CHST9: variants seen among roughly 807,000 people sequenced by gnomAD.
CHST9 encodes carbohydrate sulfotransferase 9.
In CHST9, 41 loss-of-function variants were observed where a neutral mutation model predicts 44.4. That is an observed-to-expected ratio of 0.92 (90% CI 0.72 to 1.20). The LOEUF (loss-of-function observed/expected upper bound fraction) is 1.20, where lower values mean the gene tolerates loss of function less well. Ranked by LOEUF, CHST9 falls within the 50% of genes most tolerant of loss-of-function variation. The pLI is 0.00. For missense variants in CHST9, 504 were observed against 516.5 expected, an observed-to-expected ratio of 0.98 and a Z score of 0.23; for synonymous variants, 171 against 178.4, an observed-to-expected ratio of 0.96 and a Z score of 0.33.
chr18:27,112,964 T>TG (rs749054773), intron 2 of CHST9, among the ~76,000 whole-genome samples: 4 of 151,558 alleles, frequency 2.6e-5, no homozygotes, highest in Non-Finnish European at 4.4e-5. Context: ...CCGAGGCCGG[T>TG]GGATCATGAG....
intron 5 of CHST9, among the ~76,000 whole-genome samples, chr18:26,921,671 CCATCATCATCAT>C (rs141291241): frequency 6.6e-6 from 1 of 151,464 alleles, no homozygotes; most frequent in Non-Finnish European, 1.5e-5. Flanking sequence ...CAACAAAGTC[CCATCATCATCAT>C]CATCATCATC....
intron 1 of CHST9, among the ~76,000 whole-genome samples, chr18:27,174,803 A>G (rs1239779215): frequency 1.3e-5 from 2 of 152,002 alleles, no homozygotes; most frequent in African/African-American, 2.4e-5. Flanking sequence ...CATTACATAC[A>G]TTATTACTCT....
rs1347727613 is a variant in CHST9, at chr18:27,158,439, A to C, written c.-96-15534T>G. On this transcript the variant is annotated intron_variant, in intron 1 of 5. Coordinates refer to ENST00000618847, the MANE Select transcript of CHST9 (RefSeq NM_031422.6). Reference sequence around the variant, plus strand: ...TCCCTACAAAGGACATGAACTCATCATTTTTTATGGCTGCATAGTATTCCA... The same window carrying C: ...TCCCTACAAAGGACATGAACTCATCCTTTTTTATGGCTGCATAGTATTCCA... Among the ~76,000 whole-genome samples, 467 of 151,224 alleles carry C rather than the reference A, an allele frequency of 3.1e-3. 1 individual carries two copies. Among genetic ancestry groups the C allele is most frequent in the African/African-American group, 0.011 (440 of 41,156 alleles).
At chr18:27,117,645 T>G (rs1046764321) in intron 2 of CHST9, among the ~76,000 whole-genome samples, 27 of 152,176 alleles carry the variant, frequency 1.8e-4, no homozygotes, top group African/African-American at 6.3e-4. Context: ...TCATACAGTA[T>G]GTAGCCTTTT....
At chr18:27,082,496 A>G (rs1271563912) in intron 2 of CHST9, among the ~76,000 whole-genome samples, 1 of 152,192 alleles carries the variant, frequency 6.6e-6, no homozygotes, top group African/African-American at 2.4e-5. Context: ...CAATCTTTTT[A>G]GGGGCTTCTC....
chr18:27,067,810 AT>A (rs2057798265), intron 2 of CHST9, among the ~76,000 whole-genome samples: 1 of 152,164 alleles, frequency 6.6e-6, no homozygotes, highest in Non-Finnish European at 1.5e-5. Flanking sequence ...TCCCTCTATC[AT>A]TTTATTGCAG....
rs974410415 is a variant in CHST9 at position 26,917,270 on chromosome 18, G to A, written c.321C>T (p.Leu107=). The A allele has an allele frequency of 3.1e-6, 5 of 1,613,626 alleles. No individual in the cohort carries two copies. Among genetic ancestry groups the A allele is most frequent in the Non-Finnish European group, 1.7e-6 (2 of 1,179,782 alleles). ...LLLNSERSTR[L]LTKTSHSQGG... is the part of the protein sequence containing the mutation. ...CTTGTGAATGACTGGTCTTTGTTAA[G>A]AGCCTAGTAGATCTCTCAGAATTGA... Residue 107 remains leucine, a synonymous_variant, in exon 6 of 6, where the codon CTC becomes CTT. Transcript: ENST00000618847.
chr18:26,941,832 T>A (rs900610143), intron 5 of CHST9, among the ~76,000 whole-genome samples: 4 of 152,238 alleles, frequency 2.6e-5, no homozygotes, highest in Non-Finnish European at 5.9e-5. Flanking sequence ...TTGTTTGTTC[T>A]CAGAGCTCAG....
intron 1 of CHST9, among the ~76,000 whole-genome samples, chr18:27,154,255 T>C (rs1388257834): frequency 6.6e-6 from 1 of 152,158 alleles, no homozygotes; most frequent in Non-Finnish European, 1.5e-5. Context: ...GTGCTACTAC[T>C]CTAAGCATTT....
intron 1 of CHST9, among the ~76,000 whole-genome samples, chr18:27,182,094 AACC>A (rs1290743304): frequency 6.6e-6 from 1 of 151,344 alleles, no homozygotes; most frequent in Non-Finnish European, 1.5e-5. Flanking sequence ...CTTTTTAAAT[AACC>A]ATGATTTTAC....
At chr18:27,016,253 C>T (rs533479995) in intron 4 of CHST9, among the ~76,000 whole-genome samples, 26 of 152,314 alleles carry the variant, frequency 1.7e-4, no homozygotes, top group African/African-American at 6.0e-4. Context: ...GCATAACCAG[C>T]ATGCTCACCA....
Position 26,933,064 on chromosome 18 carries a change from G to T in CHST9, c.240+11265C>A, listed in dbSNP as rs1320726548. ...CCCTGAACTGTTTCAGAATGAGGAG[G>T]ACACCTGGAGGAATCTACACGTGCA... is the stretch of plus-strand genomic sequence containing the variant. On this transcript the variant is annotated intron_variant, in intron 5 of 5. Transcript: ENST00000618847. The T allele has an allele frequency of 2.6e-5, 4 of 153,686 alleles. No individual in the cohort carries two copies. The East Asian group carries it at 7.7e-4, about 30-fold the overall frequency. 9.5% of individuals were successfully genotyped at this position (153,686 alleles called of 1,614,324 possible). A position where few individuals can be genotyped will look rare whatever the true frequency, so the allele number is the denominator to read the frequency against.
intron 2 of CHST9, among the ~76,000 whole-genome samples, chr18:27,135,645 C>T (rs537344216): frequency 6.6e-6 from 1 of 152,280 alleles, no homozygotes; most frequent in African/African-American, 2.4e-5. Context: ...TTTTAAAAAT[C>T]CCCGTATCGG....
chr18:27,159,001 G>C (rs1185562495), intron 1 of CHST9, among the ~76,000 whole-genome samples: 3 of 152,210 alleles, frequency 2.0e-5, no homozygotes, highest in Non-Finnish European at 4.4e-5. Flanking sequence ...TGTAGATTCT[G>C]GATATTAGCC....
intron 2 of CHST9, among the ~76,000 whole-genome samples, chr18:27,110,838 A>G (rs1241986140): frequency 1.3e-5 from 2 of 152,178 alleles, no homozygotes; most frequent in Non-Finnish European, 2.9e-5. Context: ...GTGGTTTTGG[A>G]CCAGAAGCAT....
At chr18:27,158,255 TC>T (rs1301621812) in intron 1 of CHST9, among the ~76,000 whole-genome samples, 2 of 150,848 alleles carry the variant, frequency 1.3e-5, no homozygotes, top group Admixed American at 6.6e-5. Context: ...CCCTCCCCCT[TC>T]CCCCCACCCC....
chr18:27,028,219 A>C (rs552828735), intron 3 of CHST9, among the ~76,000 whole-genome samples: 72 of 152,232 alleles, frequency 4.7e-4, no homozygotes, highest in African/African-American at 1.7e-3. Flanking sequence ...CGGCCTATAT[A>C]GCCTTTTATT....
At chr18:27,145,351 A>C (rs2058603397) in intron 1 of CHST9, among the ~76,000 whole-genome samples, 1 of 151,850 alleles carries the variant, frequency 6.6e-6, no homozygotes, top group South Asian at 2.1e-4. Flanking sequence ...CACCCGACTA[A>C]TTTTTGTATT....
intron 1 of CHST9, among the ~76,000 whole-genome samples, chr18:27,182,901 G>T (rs1242874796): frequency 6.6e-6 from 1 of 152,184 alleles, no homozygotes; most frequent in Admixed American, 6.5e-5. Flanking sequence ...TTTGGAATTT[G>T]TAAGAGTAAG....
Sources: gnomAD v4.1 joint callset for allele counts (sites outside exome capture counted in the v4.1 genomes callset) on GRCh38, gnomAD v4.1.1 for gene constraint, MANE v1.5 for transcripts, NCBI Gene and HGNC (gene_info 2026-07-23, HGNC 2026-07-21) for gene names.